ZNF251: variants seen among roughly 807,000 people sequenced by gnomAD.
ZNF251 encodes zinc finger protein 251.
ZNF251 carries 14 observed loss-of-function variants against 13.5 expected under a neutral mutation model. The observed-to-expected ratio is 1.04, with a 90% CI of 0.69 to 1.63. The LOEUF (loss-of-function observed/expected upper bound fraction) is 1.63. Ranked by LOEUF, ZNF251 falls within the 40% of genes most tolerant of loss-of-function variation. The probability of loss-of-function intolerance (pLI) is 0.00; values close to 1 mark genes in which losing one functional copy is unlikely to be tolerated. For missense variants in ZNF251, 764 were observed against 834.9 expected, an observed-to-expected ratio of 0.92 and a Z score of 1.05; for synonymous variants, 287 against 295.2, an observed-to-expected ratio of 0.97 and a Z score of 0.28.
At position 144,755,419 on chromosome 8, in the gene ZNF251, C is replaced by T; in HGVS notation, c.-90G>A. 1 of 1,288,282 alleles carries T rather than the reference C, an allele frequency of 7.8e-7. No individual in the cohort carries two copies. The highest frequency in any genetic ancestry group is 1.2e-5 in the South Asian group (1 of 81,286). 79.8% of individuals were successfully genotyped at this position (1,288,282 alleles called of 1,614,324 possible). A position where few individuals can be genotyped will look rare whatever the true frequency, so the allele number is the denominator to read the frequency against. On this transcript the variant is annotated 5_prime_UTR_variant, in exon 1 of 5. Transcript: ENST00000292562. ...CACTGCCCCACCTGTTTGCTCGACCCGGGGAAGCCACCGAGGAAGCGCCGA... is the reference window on the plus strand; with the variant it reads ...CACTGCCCCACCTGTTTGCTCGACCTGGGGAAGCCACCGAGGAAGCGCCGA...
intron 4 of ZNF251, among the ~76,000 whole-genome samples, chr8:144,741,407 C>T (rs1824161928): frequency 6.6e-6 from 1 of 152,204 alleles, no homozygotes; most frequent in Admixed American, 6.5e-5. Flanking sequence ...TGTACATACA[C>T]ACGATGCAGA....
chr8:144,727,892 A>G (rs1260198454), intron 4 of ZNF251, among the ~76,000 whole-genome samples: 1 of 152,146 alleles, frequency 6.6e-6, no homozygotes. Flanking sequence ...AGCTCACTGC[A>G]GCCTCAAACT....
chr8:144,748,859 G>A (rs755474347), intron 4 of ZNF251, among the ~76,000 whole-genome samples: 5 of 152,162 alleles, frequency 3.3e-5, no homozygotes, highest in African/African-American at 4.8e-5. Flanking sequence ...ACTCCTGGCC[G>A]AAGCAGGTTC....
At chr8:144,729,529 G>T (rs1424889432) in intron 4 of ZNF251, among the ~76,000 whole-genome samples, 1 of 151,760 alleles carries the variant, frequency 6.6e-6, no homozygotes, top group Non-Finnish European at 1.5e-5. Flanking sequence ...GTAGAGACGG[G>T]GTTTCACTGT....
chr8:144,747,740 G>C (rs907598829), intron 4 of ZNF251, among the ~76,000 whole-genome samples: 2 of 152,094 alleles, frequency 1.3e-5, no homozygotes, highest in Non-Finnish European at 2.9e-5. Context: ...AGCCTCCCGA[G>C]TAGCTGAGAT....
chr8:144,737,812 TG>T (rs1563762579), intron 4 of ZNF251, among the ~76,000 whole-genome samples: 1 of 117,052 alleles, frequency 8.5e-6, no homozygotes, highest in Non-Finnish European at 1.6e-5. Flanking sequence ...CACTCCAGCC[TG>T]GGCAACAGAG....
At position 144,754,819 on chromosome 8, in the gene ZNF251, C is replaced by T. The variant is rs563579123; in HGVS notation, c.-75-16G>A. The T allele has an allele frequency of 4.5e-5, 70 of 1,544,174 alleles. 2 individuals are homozygous for T. The South Asian group carries it at 7.5e-4, about 16-fold the overall frequency. ...CCGAACTTACCTTCAGTGGGGAGAA[C>T]TCAGGCTCAGCCCCATTCAACCAGG... is the stretch of plus-strand genomic sequence containing the variant. On this transcript the variant is annotated splice_polypyrimidine_tract_variant and intron_variant, in intron 1 of 4. Transcript: ENST00000292562.
chr8:144,749,878 TTTTTTC>T (rs1426377334), intron 4 of ZNF251, among the ~76,000 whole-genome samples: 4 of 131,762 alleles, frequency 3.0e-5, no homozygotes, highest in African/African-American at 1.2e-4. Flanking sequence ...TTCTTTTCTT[TTTTTTC>T]TTTTTTTTTT....
intron 4 of ZNF251, among the ~76,000 whole-genome samples, chr8:144,752,059 T>C (rs567312192): frequency 6.9e-6 from 1 of 144,428 alleles, no homozygotes; most frequent in African/African-American, 2.6e-5. Flanking sequence ...AAAATTAAAG[T>C]GAAGAAAAGA....
At chr8:144,753,274 G>GAAAAAAAAAAA (rs11336657) in intron 4 of ZNF251, among the ~76,000 whole-genome samples, 1 of 41,834 alleles carries the variant, frequency 2.4e-5, no homozygotes, top group South Asian at 1.8e-3. Context: ...ATTCTGTCTC[G>GAAAAAAAAAAA]AAAAAAAAAA....
chr8:144,752,667 C>A (rs1005724449), intron 4 of ZNF251, among the ~76,000 whole-genome samples: 1 of 152,126 alleles, frequency 6.6e-6, no homozygotes, highest in Admixed American at 6.6e-5. Context: ...TCTGAATAAA[C>A]TAGAAGACAA....
At chr8:144,732,561 C>T (rs1823730916) in intron 4 of ZNF251, among the ~76,000 whole-genome samples, 1 of 152,134 alleles carries the variant, frequency 6.6e-6, no homozygotes, top group Admixed American at 6.5e-5. Flanking sequence ...GCCTGTAATC[C>T]CAGCACTTGG....
chr8:144,730,769 C>T (rs767263503), intron 4 of ZNF251, among the ~76,000 whole-genome samples: 4 of 152,220 alleles, frequency 2.6e-5, no homozygotes, highest in Non-Finnish European at 5.9e-5. Flanking sequence ...CCATCACTAA[C>T]CTCCTTCTTG....
At chr8:144,750,278 G>A (rs1255458330) in intron 4 of ZNF251, among the ~76,000 whole-genome samples, 7 of 152,156 alleles carry the variant, frequency 4.6e-5, no homozygotes, top group Non-Finnish European at 1.0e-4. Flanking sequence ...AGTAAACAGG[G>A]CTTTCATCCT....
chr8:144,722,306 G>C lies in ZNF251; in HGVS notation c.1354C>G (p.Arg452Gly), dbSNP rs377393106. Residue 452 changes from arginine to glycine, a missense_variant, in exon 5 of 5, where the codon CGA (arginine) becomes GGA (glycine). Physicochemically the swap from Arg to Gly is moderately radical, Grantham distance 125. Transcript: ENST00000292562. This position sits in a 1 kb window ranked among gnomAD's most constrained non-coding sequence, Gnocchi z 4.8. The stretch of plus-strand genomic sequence containing the variant: ...GGCTTCTCCCCAGTGTGAACTCTTC[G>C]ATGCTGAACAAGAGTGGAACTCCGA... ...FRRSSTLVQH[R>G]RVHTGEKPYQ... is the part of the protein sequence containing the mutation. 6.2e-7 allele frequency: 1 copy of C among 1,613,914 alleles called. No homozygotes were observed. The highest frequency in any genetic ancestry group is 1.3e-5 in the African/African-American group (1 of 75,022).
intron 4 of ZNF251, among the ~76,000 whole-genome samples, chr8:144,729,330 T>C: frequency 8.1e-6 from 1 of 123,158 alleles, no homozygotes; most frequent in East Asian, 2.4e-4. Context: ...TATTTATTTA[T>C]TTTTATTTTT....
At chr8:144,753,659 G>C in intron 4 of ZNF251, 24 bp downstream of exon 4, 3 of 1,541,508 alleles carry the variant, frequency 1.9e-6, no homozygotes, top group Non-Finnish European at 2.6e-6. Flanking sequence ...CTGCTCCCAG[G>C]ATTAGCATCC....
intron 4 of ZNF251, among the ~76,000 whole-genome samples, chr8:144,728,836 T>A (rs907416819): frequency 2.0e-4 from 31 of 151,908 alleles, no homozygotes; most frequent in African/African-American, 7.2e-4. Context: ...GCACTTGTAA[T>A]CCCAACAGTT....
chr8:144,722,616 C>A lies in ZNF251; in HGVS notation c.1044G>T (p.Pro348=), dbSNP rs370691553. ...CCTTCCCACAGTGACTGCATTCATG[C>A]GGCTTCTCTCCAGTGTGAATTCTCT... The part of the protein sequence containing the change: ...QHQRIHTGEK[P]HECSHCGKAF... The change falls in exon 5 of 5, where the codon CCG becomes CCT. Residue 348 remains proline, a synonymous_variant. Coordinates refer to ENST00000292562, the MANE Select transcript of ZNF251 (RefSeq NM_138367.2). The surrounding 1 kb of genome is among the most constrained non-coding windows in gnomAD (Gnocchi z 4.8). The A allele has an allele frequency of 1.2e-6, 2 of 1,612,470 alleles. No individual in the cohort carries two copies. Among genetic ancestry groups the A allele is most frequent in the East Asian group, 4.5e-5 (2 of 44,720 alleles).
Sources: allele counts gnomAD v4.1 joint callset (sites outside exome capture counted in the v4.1 genomes callset), GRCh38; gene constraint gnomAD v4.1.1; non-coding constraint Gnocchi (gnomAD v3.1); transcripts MANE v1.5; gene names NCBI Gene and HGNC (gene_info 2026-07-23, HGNC 2026-07-21).